Variants in APC observed in about 807,000 individuals in gnomAD.
APC encodes adenomatous polyposis coli protein.
APC carries 72 observed loss-of-function variants against 247.0 expected under a neutral mutation model. The ratio of observed to expected loss-of-function variants is 0.29; its 90% confidence interval spans 0.24 to 0.35. The LOEUF (loss-of-function observed/expected upper bound fraction) is 0.35, where lower values mean the gene tolerates loss of function less well. APC is among the 10% of genes least tolerant of loss of function. The pLI is 1.00. For synonymous variants in APC, 1,254 were observed against 1,162.5 expected (o/e 1.08, Z -1.60); for missense variants, 3,400 against 3,360.7 (o/e 1.01, Z -0.29).
intron 1 of APC, among the ~76,000 whole-genome samples, chr5:112,747,437 T>C (rs1050621663): frequency 1.3e-5 from 2 of 152,212 alleles, no homozygotes; most frequent in African/African-American, 2.4e-5. Flanking sequence ...CTGATGTAAT[T>C]GCACTGTTTA....
intron 9 of APC, 82 bp downstream of exon 9, chr5:112,815,675 C>A (rs1469232655): frequency 2.8e-5 from 31 of 1,094,594 alleles, no homozygotes; most frequent in Non-Finnish European, 4.1e-5. Context: ...GTGGCTCACA[C>A]CTGTAATCCC....
chr5:112,712,812 G>T (rs903564255), intron 1 of APC, among the ~76,000 whole-genome samples: 7 of 152,144 alleles, frequency 4.6e-5, no homozygotes, highest in Admixed American at 1.3e-4. Flanking sequence ...TCACGTGTCA[G>T]ATCTTGAATA....
intron 7 of APC, among the ~76,000 whole-genome samples, chr5:112,797,608 A>G (rs973183304): frequency 6.6e-6 from 1 of 152,200 alleles, no homozygotes; most frequent in Non-Finnish European, 1.5e-5. Context: ...GTTCTTCCAG[A>G]CATAGTTTAT....
At position 112,842,643 on chromosome 5, in the gene APC, C is replaced by T. The variant is rs75207119; in HGVS notation, c.7049C>T (p.Ser2350Phe). 1 of 1,613,840 alleles carries T rather than the reference C, an allele frequency of 6.2e-7. No individual in the cohort carries two copies. The highest frequency in any genetic ancestry group is 8.5e-7 in the Non-Finnish European group (1 of 1,179,798). The change falls in exon 16 of 16, where the codon TCC becomes TTC. Residue 2350 changes from serine to phenylalanine, a missense_variant. Physicochemically the swap from Ser to Phe is radical, Grantham distance 155 (BLOSUM62 -2). Transcript: ENST00000257430. ...TTATCTCAACTTCCAAGGACATCAT[C>T]CCCTAGTACTGCTTCAACTAAGTCC... ...NKLSQLPRTSSPSTASTKSSG... is the reference protein window; with the variant it reads ...NKLSQLPRTSFPSTASTKSSG...
At chr5:112,723,770 T>G (rs17134881) in intron 1 of APC, among the ~76,000 whole-genome samples, 4,031 of 152,270 alleles carry the variant, frequency 0.026, 188 homozygotes, top group African/African-American at 0.093. Flanking sequence ...AGTTTGAAAT[T>G]GGGATGTCAG....
rs529480958 is a variant in APC at position 112,840,513 on chromosome 5, G to T, written c.4919G>T (p.Arg1640Leu). 1.2e-6 allele frequency: 2 copies of T among 1,614,126 alleles called. No individual in the cohort carries two copies. The highest frequency in any genetic ancestry group is 2.2e-5 in the East Asian group (1 of 44,880). The change falls in exon 16 of 16, where the codon CGG (arginine) becomes CTG (leucine). Residue 1640 changes from arginine to leucine, a missense_variant. Coordinates refer to ENST00000257430, the MANE Select transcript of APC (RefSeq NM_000038.6). The surrounding 1 kb of genome is among the most constrained non-coding windows in gnomAD (Gnocchi z 4.1). Reference sequence around the variant, plus strand: ...TTTACACCGGGGGATGATATGCCACGGGTGTATTGTGTTGAAGGGACACCT... The same window carrying T: ...TTTACACCGGGGGATGATATGCCACTGGTGTATTGTGTTGAAGGGACACCT... ...VSFTPGDDMP[R>L]VYCVEGTPIN...
At chr5:112,733,801 G>T (rs1752219256), upstream of APC, among the ~76,000 whole-genome samples, 1 of 152,176 alleles carries the variant, frequency 6.6e-6, no homozygotes, top group Non-Finnish European at 1.5e-5. Context: ...TGACCTCAGG[G>T]CACTCCATGA....
At chr5:112,710,623 A>C (rs1051067095) in intron 1 of APC, among the ~76,000 whole-genome samples, 1 of 152,064 alleles carries the variant, frequency 6.6e-6, no homozygotes, top group African/African-American at 2.4e-5. Context: ...GGACGTTCTA[A>C]AGCTTGAGTC....
At chr5:112,832,272 T>C (rs553416678) in intron 14 of APC, among the ~76,000 whole-genome samples, 36 of 152,316 alleles carry the variant, frequency 2.4e-4, no homozygotes, top group African/African-American at 8.4e-4. Context: ...GCATCTTAAT[T>C]CAGTCCTTTA....
upstream of APC, among the ~76,000 whole-genome samples, chr5:112,736,663 C>T (rs1399527196): frequency 6.6e-6 from 1 of 152,142 alleles, no homozygotes; most frequent in Non-Finnish European, 1.5e-5. Context: ...CGCATGTAAT[C>T]CCAGTACTTG....
intron 6 of APC, chr5:112,783,765 C>T (rs1185651289): frequency 1.5e-5 from 3 of 198,100 alleles, no homozygotes; most frequent in African/African-American, 4.9e-5. Context: ...CCACTGCACT[C>T]AAAAAAAAAA....
intron 8 of APC, among the ~76,000 whole-genome samples, chr5:112,808,038 C>G (rs1761597441): frequency 6.6e-6 from 1 of 152,002 alleles, no homozygotes; most frequent in Non-Finnish European, 1.5e-5. Context: ...ACGTGTAGTC[C>G]CAGCTACTCG....
upstream of APC, chr5:112,737,759 G>C: frequency 8.4e-6 from 7 of 831,672 alleles, no homozygotes; most frequent in Non-Finnish European, 1.0e-5. Context: ...GGAGAGAGAA[G>C]CAGCTGTGTA....
At chr5:112,744,725 A>G (rs755041992) in intron 1 of APC, among the ~76,000 whole-genome samples, 10 of 152,202 alleles carry the variant, frequency 6.6e-5, no homozygotes, top group Non-Finnish European at 1.0e-4. Context: ...TTTGTAGAGG[A>G]AAGTGAGGAG....
intron 1 of APC, among the ~76,000 whole-genome samples, chr5:112,715,842 T>G (rs149011187): frequency 1.9e-4 from 29 of 152,328 alleles, no homozygotes; most frequent in African/African-American, 6.7e-4. Context: ...TATTCAAGTA[T>G]TCTATCTTGT....
intron 1 of APC, among the ~76,000 whole-genome samples, chr5:112,723,534 C>G (rs1232607855): frequency 2.0e-5 from 3 of 152,032 alleles, no homozygotes; most frequent in Non-Finnish European, 2.9e-5. Context: ...TGTGCTAAAC[C>G]TGTTGTGGTA....
chr5:112,754,984 A>G lies in APC; in HGVS notation c.94A>G (p.Asn32Asp), dbSNP rs587781972. The G allele has an allele frequency of 1.9e-6, 3 of 1,613,846 alleles. No homozygotes were observed. The highest frequency in any genetic ancestry group is 1.3e-5 in the African/African-American group (1 of 75,048). ...TCGACAAGAGCTAGAAGATAATTCC[A>G]ATCATCTTACAAAACTGGAAACTGA... ...NLRQELEDNS[N>D]HLTKLETEAS... is the part of the protein sequence containing the mutation. Residue 32 changes from asparagine (N) to aspartate (D), a missense_variant, in exon 2 of 16, where the codon AAT becomes GAT. By Grantham distance (23) the Asn-to-Asp change is conservative. This residue lies in a region of APC where 372 missense variants were observed against 367.6 expected (regional missense o/e 1.01). Coordinates refer to ENST00000257430, the MANE Select transcript of APC (RefSeq NM_000038.6).
chr5:112,792,621 A>T (rs949880613), intron 7 of APC, 92 bp downstream of exon 7: 1 of 884,372 alleles, frequency 1.1e-6, no homozygotes, highest in Non-Finnish European at 1.8e-6. Context: ...ACACCATTGA[A>T]ATATAGATGT....
chr5:112,804,799 A>C (rs1241912128), intron 8 of APC, among the ~76,000 whole-genome samples: 1 of 152,032 alleles, frequency 6.6e-6, no homozygotes, highest in Middle Eastern at 3.2e-3. Flanking sequence ...TTCGAGTTCA[A>C]CCTGGGCAAC....
Sources: gnomAD v4.1 joint callset for allele counts (sites outside exome capture counted in the v4.1 genomes callset) on GRCh38, gnomAD v4.1.1 for gene constraint, gnomAD v4.1.1 regional missense constraint, Gnocchi (gnomAD v3.1) non-coding constraint, MANE v1.5 for transcripts, NCBI Gene and HGNC (gene_info 2026-07-23, HGNC 2026-07-21) for gene names.